SLC39A14: variants seen among roughly 807,000 people sequenced by gnomAD.
SLC39A14 encodes the protein metal cation symporter ZIP14.
A neutral mutation model predicts 45.5 loss-of-function variants in SLC39A14; 19 were observed. The observed-to-expected ratio is 0.42, with a 90% CI of 0.29 to 0.61. The LOEUF (loss-of-function observed/expected upper bound fraction) is 0.61, where lower values mean the gene tolerates loss of function less well. SLC39A14 is among the 20% of genes least tolerant of loss of function. SLC39A14 has a pLI of 0.22. For synonymous variants in SLC39A14, 264 were observed against 251.3 expected, an observed-to-expected ratio of 1.05 and a Z score of -0.48; for missense variants, 447 against 616.5, an observed-to-expected ratio of 0.73 and a Z score of 2.91.
At chr8:22,417,233 T>C (rs1332501960) in intron 7 of SLC39A14, among the ~76,000 whole-genome samples, 1 of 152,244 alleles carries the variant, frequency 6.6e-6, no homozygotes, top group Non-Finnish European at 1.5e-5. Context: ...AGGGGGTTCC[T>C]TCTGTTTCAC....
At chr8:22,403,130 C>G (rs1563555474) in intron 1 of SLC39A14, among the ~76,000 whole-genome samples, 1 of 152,070 alleles carries the variant, frequency 6.6e-6, no homozygotes, top group Admixed American at 6.5e-5. Flanking sequence ...GCGCCCGCCA[C>G]CACACCCGGC....
chr8:22,419,670 T>C lies in SLC39A14; in HGVS notation c.1451T>C (p.Met484Thr). The C allele has an allele frequency of 6.2e-7, 1 of 1,613,690 alleles. No homozygotes were observed. The highest frequency in any genetic ancestry group is 8.5e-7 in the Non-Finnish European group (1 of 1,179,776). The change falls in exon 9 of 9, where the codon ATG (methionine) becomes ACG (threonine). Residue 484 changes from methionine (M) to threonine (T), a missense_variant. Met to Thr is a moderately conservative substitution (Grantham distance 81). Around this residue, in one of 2 missense-constraint regions of SLC39A14, gnomAD observed 105 missense variants for 188.4 expected, o/e 0.56. Coordinates refer to ENST00000381237, the MANE Select transcript of SLC39A14 (RefSeq NM_001128431.4). ...TGFTIMVVLT[M>T]YSGQIQIG Reference sequence around the variant, plus strand: ...TTCACCATCATGGTGGTCCTCACCATGTATTCAGGACAGATCCAGATTGGG... The same window carrying C: ...TTCACCATCATGGTGGTCCTCACCACGTATTCAGGACAGATCCAGATTGGG...
chr8:22,404,792 G>A lies in SLC39A14; in HGVS notation c.82G>A (p.Ala28Thr), dbSNP rs748413742. The change falls in exon 2 of 9, where the codon GCT becomes ACT. Residue 28 changes from alanine (A) to threonine (T), a missense_variant. Physicochemically the swap from Ala to Thr is moderately conservative, Grantham distance 58 (BLOSUM62 0). Coordinates refer to ENST00000381237, the MANE Select transcript of SLC39A14 (RefSeq NM_001128431.4). ...TGGCTTATGGAGAACCACCCCTGAG[G>A]CTCACGCTTCATCCCTGGGTGCACC... ...LLGLWRTTPEAHASSLGAPAI... is the reference protein window; with the variant it reads ...LLGLWRTTPETHASSLGAPAI... The A allele has an allele frequency of 6.2e-7, 1 of 1,613,430 alleles. No homozygotes were observed. The highest frequency in any genetic ancestry group is 1.3e-5 in the African/African-American group (1 of 75,006).
chr8:22,413,582 CAT>C (rs1469045719), intron 4 of SLC39A14, among the ~76,000 whole-genome samples: 3 of 152,112 alleles, frequency 2.0e-5, no homozygotes, highest in Non-Finnish European at 2.9e-5. Flanking sequence ...CTGTTTAAAA[CAT>C]AAAGGCAACA....
chr8:22,428,441 C>CTTTTTTTTTT (rs59846887), intron 8 of SLC39A14, among the ~76,000 whole-genome samples: 1 of 116,424 alleles, frequency 8.6e-6, no homozygotes, highest in Non-Finnish European at 1.7e-5. Context: ...TTCATATGTT[C>CTTTTTTTTTT]TTTTTTTTTT....
chr8:22,391,634 G>A (rs190513276), intron 1 of SLC39A14, among the ~76,000 whole-genome samples: 1 of 151,728 alleles, frequency 6.6e-6, no homozygotes, highest in East Asian at 1.9e-4. Context: ...GCAGTGGCGC[G>A]ATCTCGGCTC....
At chr8:22,397,503 G>T (rs1032875015) in intron 1 of SLC39A14, among the ~76,000 whole-genome samples, 1 of 152,154 alleles carries the variant, frequency 6.6e-6, no homozygotes, top group Non-Finnish European at 1.5e-5. Context: ...GCGTGAACCC[G>T]GGAGGCGGAG....
At chr8:22,378,638 C>T (rs146172217) in intron 1 of SLC39A14, among the ~76,000 whole-genome samples, 1,848 of 152,352 alleles carry the variant, frequency 0.012, 34 homozygotes, top group Middle Eastern at 0.051. Context: ...AGGAGCCATC[C>T]TTGTAAGGGC....
At position 22,419,749 on chromosome 8, in the gene SLC39A14, T is replaced by C; in HGVS notation, c.*51T>C. ...GGAAGTCGGGCCCTGGGCTGCCCGA[T>C]CGCCAGCCCGAGGACTTACCATCCA... On this transcript the variant is annotated 3_prime_UTR_variant, in exon 9 of 9. Coordinates refer to ENST00000381237, the MANE Select transcript of SLC39A14 (RefSeq NM_001128431.4). 6.6e-7 allele frequency: 1 copy of C among 1,520,288 alleles called. No individual in the cohort carries two copies. The highest frequency in any genetic ancestry group is 8.8e-7 in the Non-Finnish European group (1 of 1,135,494). The allele number at this position is 1,520,288 out of a possible 1,614,324, so 94.2% of individuals were successfully genotyped here.
intron 2 of SLC39A14, among the ~76,000 whole-genome samples, chr8:22,407,901 G>A (rs927837213): frequency 2.7e-5 from 4 of 150,752 alleles, no homozygotes; most frequent in Non-Finnish European, 5.9e-5. Context: ...TGTAAAGAAG[G>A]GGTCTCATGT....
chr8:22,392,619 G>A lies in SLC39A14; in HGVS notation c.-15-12077G>A, dbSNP rs141984685. On this transcript the variant is annotated intron_variant, in intron 1 of 8. Transcript: ENST00000381237. ...GTCTGGGAAGTGTTGATGGATGAAT[G>A]ATGAGAAGTGAGGTGACTCTGGCCC... 3.7e-3 allele frequency among the ~76,000 whole-genome samples: 568 copies of A among 152,326 alleles called. 5 individuals carry two copies. The highest frequency in any genetic ancestry group is 5.4e-3 in the Non-Finnish European group (367 of 68,028).
intron 1 of SLC39A14, among the ~76,000 whole-genome samples, chr8:22,400,272 G>T (rs186919772): frequency 1.3e-5 from 2 of 152,130 alleles, no homozygotes; most frequent in African/African-American, 4.8e-5. Context: ...TTTCCTAATC[G>T]CTGAACCCCA....
intron 2 of SLC39A14, among the ~76,000 whole-genome samples, chr8:22,405,520 AAC>A (rs756694906): frequency 7.9e-5 from 12 of 152,184 alleles, no homozygotes; most frequent in Non-Finnish European, 1.5e-4. Context: ...CTCAAAACAA[AAC>A]AAAATAAAAG....
intron 3 of SLC39A14, chr8:22,409,857 AC>A: frequency 7.3e-7 from 1 of 1,376,958 alleles, no homozygotes. Context: ...GCCCCATCAC[AC>A]CTGAATTCAG....
At chr8:22,372,307 T>C (rs1832981079) in intron 1 of SLC39A14, among the ~76,000 whole-genome samples, 2 of 152,210 alleles carry the variant, frequency 1.3e-5, no homozygotes, top group Non-Finnish European at 1.5e-5. Context: ...CCCCCAGCTT[T>C]TCAATAAATG....
At chr8:22,397,355 A>C (rs1025712393) in intron 1 of SLC39A14, among the ~76,000 whole-genome samples, 2 of 152,022 alleles carry the variant, frequency 1.3e-5, no homozygotes, top group African/African-American at 4.8e-5. Flanking sequence ...GAGGCGGGCA[A>C]ATCACGAGGT....
chr8:22,368,815 C>T (rs1023830590), intron 1 of SLC39A14, among the ~76,000 whole-genome samples: 2 of 152,114 alleles, frequency 1.3e-5, no homozygotes, highest in African/African-American at 2.4e-5. Context: ...GGATTACAGG[C>T]GTGAGCCACC....
chr8:22,401,543 CT>C (rs71544899), intron 1 of SLC39A14, among the ~76,000 whole-genome samples: 28 of 84,076 alleles, frequency 3.3e-4, no homozygotes, highest in South Asian at 1.5e-3. Flanking sequence ...TCTTCTCTTT[CT>C]TTTTTTTTTT....
At position 22,432,007 on chromosome 8, in the gene SLC39A14, A is replaced by T. The variant is rs538809126; in HGVS notation, c.1333-1884A>T. 4.6e-5 allele frequency among the ~76,000 whole-genome samples: 7 copies of T among 152,330 alleles called. No individual in the cohort carries two copies. In the South Asian group the frequency reaches 1.5e-3, roughly 32 times the overall value. ...CAGAAAAGACATTGAGAAAGCAATG[A>T]ATGTTTAACTCTATTGGAACTAGGC... On this transcript the variant is annotated intron_variant, in intron 8 of 8. Transcript: ENST00000240095.
Sources: gnomAD v4.1 joint callset for allele counts (sites outside exome capture counted in the v4.1 genomes callset) on GRCh38, gnomAD v4.1.1 for gene constraint, gnomAD v4.1.1 regional missense constraint, MANE v1.5 for transcripts, NCBI Gene and HGNC (gene_info 2026-07-23, HGNC 2026-07-21) for gene names.